The following HDAC9 variants were observed in gnomAD, a reference collection of about 807,000 sequenced individuals.
HDAC9 encodes MEF-2 interacting transcription repressor (MITR) protein.
HDAC9 carries 41 observed loss-of-function variants against 139.4 expected under a neutral mutation model. That is an observed-to-expected ratio of 0.29 (90% CI 0.23 to 0.38). The LOEUF (loss-of-function observed/expected upper bound fraction) is 0.38, where lower values mean the gene tolerates loss of function less well. Among genes scored for constraint, HDAC9 ranks in the 10% least tolerant of loss-of-function variants. The probability of loss-of-function intolerance (pLI) is 1.00; values close to 1 mark genes in which losing one functional copy is unlikely to be tolerated. For synonymous variants in HDAC9, 517 were observed against 476.2 expected (o/e 1.09, Z -1.12); for missense variants, 1,147 against 1,297.0 (o/e 0.88, Z 1.78).
chr7:18,258,936 G>T, intron 2 of HDAC9, among the ~76,000 whole-genome samples: 1 of 143,824 alleles, frequency 7.0e-6, no homozygotes, highest in South Asian at 2.2e-4. Flanking sequence ...TAATAAAGTA[G>T]GGATTCTTCT....
intron 13 of HDAC9, among the ~76,000 whole-genome samples, chr7:18,733,640 A>G (rs913572770): frequency 6.6e-6 from 1 of 151,620 alleles, no homozygotes; most frequent in Non-Finnish European, 1.5e-5. Flanking sequence ...ATTTATAAAT[A>G]TAGTTATATA....
At chr7:18,302,252 A>G (rs1399090055) in intron 1 of HDAC9, among the ~76,000 whole-genome samples, 7 of 152,212 alleles carry the variant, frequency 4.6e-5, no homozygotes, top group Admixed American at 4.6e-4. Context: ...ATATGCCCAT[A>G]TGCTTAGTTC....
chr7:18,402,304 C>G (rs546530802), intron 1 of HDAC9, among the ~76,000 whole-genome samples: 2 of 152,206 alleles, frequency 1.3e-5, no homozygotes, highest in South Asian at 2.1e-4. Context: ...AGCTGTCTAT[C>G]CTGGGATGGA....
intron 1 of HDAC9, among the ~76,000 whole-genome samples, chr7:18,406,519 G>A (rs1261826016): frequency 1.1e-4 from 17 of 151,844 alleles, no homozygotes; most frequent in Admixed American, 9.8e-4. Context: ...TCAGCCTCCC[G>A]AGTAGCTGGG....
At chr7:18,573,717 A>T (rs1441511141) in intron 2 of HDAC9, among the ~76,000 whole-genome samples, 2 of 152,184 alleles carry the variant, frequency 1.3e-5, no homozygotes, top group African/African-American at 4.8e-5. Context: ...CCATGTGAGG[A>T]GGCTGAGGCT....
At chr7:18,405,114 T>C (rs1787890732) in intron 1 of HDAC9, among the ~76,000 whole-genome samples, 1 of 152,160 alleles carries the variant, frequency 6.6e-6, no homozygotes, top group Non-Finnish European at 1.5e-5. Flanking sequence ...GCAAACTCCA[T>C]ATAGATAGTG....
chr7:18,719,606 C>T (rs1462277846), intron 12 of HDAC9, among the ~76,000 whole-genome samples: 1 of 152,128 alleles, frequency 6.6e-6, no homozygotes, highest in Non-Finnish European at 1.5e-5. Context: ...TCCCAAAGTG[C>T]TGGGATTACA....
intron 22 of HDAC9, among the ~76,000 whole-genome samples, chr7:18,932,877 A>AAAGAAAGAAAGAAAGAAAGG (rs1381903672): frequency 6.6e-6 from 1 of 150,538 alleles, no homozygotes; most frequent in Non-Finnish European, 1.5e-5. Context: ...AGAAAGAAAG[A>AAAGAAAGAAAGAAAGAAAGG]AAGGATGTCC....
intron 12 of HDAC9, among the ~76,000 whole-genome samples, chr7:18,724,306 A>G (rs569072925): frequency 6.6e-6 from 1 of 152,308 alleles, no homozygotes; most frequent in Non-Finnish European, 1.5e-5. Context: ...CTATGTACCT[A>G]GGCCATATAT....
intron 1 of HDAC9, among the ~76,000 whole-genome samples, chr7:18,401,124 G>C (rs1192320606): frequency 6.6e-6 from 1 of 152,076 alleles, no homozygotes; most frequent in Non-Finnish European, 1.5e-5. Context: ...GCATGTCAAA[G>C]GTTTTCTCTT....
At chr7:18,527,909 C>G (rs1221785507) in intron 2 of HDAC9, among the ~76,000 whole-genome samples, 1 of 151,982 alleles carries the variant, frequency 6.6e-6, no homozygotes, top group Non-Finnish European at 1.5e-5. Flanking sequence ...GAATTTTGCT[C>G]CACTTGTCCC....
chr7:18,293,648 A>G (rs551488088), intron 1 of HDAC9, among the ~76,000 whole-genome samples: 1 of 152,060 alleles, frequency 6.6e-6, no homozygotes, highest in African/African-American at 2.4e-5. Context: ...CATATTCACA[A>G]CCTGTAAAGC....
intron 22 of HDAC9, among the ~76,000 whole-genome samples, chr7:18,898,362 C>G (rs1190796808): frequency 1.3e-5 from 2 of 151,354 alleles, no homozygotes; most frequent in Non-Finnish European, 3.0e-5. Context: ...GGTACACAGC[C>G]AAATGGAACA....
intron 24 of HDAC9, among the ~76,000 whole-genome samples, chr7:18,974,867 A>G (rs780135250): frequency 1.3e-5 from 2 of 152,172 alleles, no homozygotes; most frequent in Non-Finnish European, 2.9e-5. Context: ...TTACTGCCCA[A>G]TCCAGCGTTC....
chr7:18,890,846 TGAAAG>T (rs1164428886), intron 22 of HDAC9, among the ~76,000 whole-genome samples: 1 of 152,126 alleles, frequency 6.6e-6, no homozygotes, highest in African/African-American at 2.4e-5. Context: ...AGAAAATAGA[TGAAAG>T]GATAGGTGGA....
intron 1 of HDAC9, among the ~76,000 whole-genome samples, chr7:18,319,580 A>G (rs541605411): frequency 5.1e-4 from 77 of 152,324 alleles, no homozygotes; most frequent in Non-Finnish European, 7.1e-4. Flanking sequence ...GCCATTGTAA[A>G]CTCTGTGCTA....
intron 1 of HDAC9, among the ~76,000 whole-genome samples, chr7:18,398,025 C>T (rs527340129): frequency 2.0e-5 from 3 of 152,230 alleles, no homozygotes; most frequent in East Asian, 3.9e-4. Context: ...CACTGAGGTT[C>T]GGAGATTTGT....
intron 25 of HDAC9, among the ~76,000 whole-genome samples, chr7:18,989,676 C>G (rs1297228542): frequency 1.3e-5 from 2 of 150,046 alleles, no homozygotes; most frequent in Admixed American, 1.3e-4. Context: ...TTCTCCCTGT[C>G]ACTTTCAGGT....
At chr7:18,937,507 T>C (rs1781729366) in intron 23 of HDAC9, among the ~76,000 whole-genome samples, 1 of 152,150 alleles carries the variant, frequency 6.6e-6, no homozygotes. Context: ...AAACAGGATG[T>C]TGAGTGTTTT....
Sources: allele counts gnomAD v4.1 joint callset (sites outside exome capture counted in the v4.1 genomes callset), GRCh38; gene constraint gnomAD v4.1.1; transcripts MANE v1.5; gene names NCBI Gene and HGNC (gene_info 2026-07-23, HGNC 2026-07-21).